Variants in ADIPOR2 observed in about 807,000 individuals in gnomAD.
ADIPOR2 encodes the protein adiponectin receptor 2.
A neutral mutation model predicts 40.9 loss-of-function variants in ADIPOR2; 18 were observed. The ratio of observed to expected loss-of-function variants is 0.44; its 90% CI spans 0.30 to 0.65. ADIPOR2 has a LOEUF of 0.65. Among genes scored for constraint, ADIPOR2 ranks in the 30% least tolerant of loss-of-function variants. The pLI is 0.09. For synonymous variants in ADIPOR2, 165 were observed against 166.4 expected, an observed-to-expected ratio of 0.99 and a Z score of 0.06; for missense variants, 283 against 479.2, an observed-to-expected ratio of 0.59 and a Z score of 3.82.
chr12:1,770,726 A>G (rs532741002), intron 2 of ADIPOR2, among the ~76,000 whole-genome samples: 1 of 152,358 alleles, frequency 6.6e-6, no homozygotes, highest in African/African-American at 2.4e-5. Flanking sequence ...GTAAAATTCT[A>G]TTAAACGTTA....
At chr12:1,695,170 T>C (rs1373817931) in intron 1 of ADIPOR2, among the ~76,000 whole-genome samples, 6 of 151,964 alleles carry the variant, frequency 3.9e-5, no homozygotes, top group Non-Finnish European at 8.8e-5. Flanking sequence ...CATGAGCCAC[T>C]GCACTTGGCC....
chr12:1,748,546 C>A (rs1457357182), intron 1 of ADIPOR2, among the ~76,000 whole-genome samples: 1 of 152,046 alleles, frequency 6.6e-6, no homozygotes, highest in Non-Finnish European at 1.5e-5. Context: ...CCGTGCCTGG[C>A]CTGCGTTTTA....
chr12:1,735,740 A>G (rs563852444), intron 1 of ADIPOR2, among the ~76,000 whole-genome samples: 5 of 152,272 alleles, frequency 3.3e-5, no homozygotes, highest in Middle Eastern at 3.4e-3. Context: ...GTTTGTCATA[A>G]ATAGCTCTTA....
intron 1 of ADIPOR2, among the ~76,000 whole-genome samples, chr12:1,692,104 C>T (rs1331520261): frequency 4.4e-5 from 6 of 136,310 alleles, no homozygotes; most frequent in Non-Finnish European, 8.0e-5. Context: ...TTTTTTATCA[C>T]CCCTTCCCCT....
intron 1 of ADIPOR2, among the ~76,000 whole-genome samples, chr12:1,693,715 T>G (rs2094632253): frequency 6.6e-6 from 1 of 152,022 alleles, no homozygotes; most frequent in South Asian, 2.1e-4. Context: ...TTTTTTGTAT[T>G]TTTAGTAGAG....
chr12:1,732,622 TGTATGCA>T (rs1373529680), intron 1 of ADIPOR2, among the ~76,000 whole-genome samples: 1 of 152,252 alleles, frequency 6.6e-6, no homozygotes, highest in Non-Finnish European at 1.5e-5. Context: ...TATAAACACT[TGTATGCA>T]AGTTTTTGTG....
intron 1 of ADIPOR2, among the ~76,000 whole-genome samples, chr12:1,693,455 GA>G (rs1441430735): frequency 4.9e-4 from 74 of 151,682 alleles, no homozygotes; most frequent in African/African-American, 1.7e-3. Context: ...TGTGATTATA[GA>G]ATTTGTTGGT....
At chr12:1,694,812 C>G (rs1000760232) in intron 1 of ADIPOR2, among the ~76,000 whole-genome samples, 1 of 151,906 alleles carries the variant, frequency 6.6e-6, no homozygotes, top group Non-Finnish European at 1.5e-5. Flanking sequence ...AAAAATTACA[C>G]TTTTTTTTAG....
At chr12:1,744,638 A>G (rs1183741786) in intron 1 of ADIPOR2, among the ~76,000 whole-genome samples, 4 of 152,156 alleles carry the variant, frequency 2.6e-5, no homozygotes, top group Non-Finnish European at 5.9e-5. Flanking sequence ...CATCTGACCT[A>G]CTTGAAAATT....
intron 1 of ADIPOR2, among the ~76,000 whole-genome samples, chr12:1,736,223 C>G (rs2094730290): frequency 6.6e-6 from 1 of 152,108 alleles, no homozygotes; most frequent in African/African-American, 2.4e-5. Context: ...CCATCTGGTC[C>G]TGGACTTTTT....
At chr12:1,771,804 T>C (rs1189016790) in intron 2 of ADIPOR2, among the ~76,000 whole-genome samples, 1 of 152,254 alleles carries the variant, frequency 6.6e-6, no homozygotes, top group Non-Finnish European at 1.5e-5. Flanking sequence ...CATTTCTTTG[T>C]GCAGTCATGT....
chr12:1,763,054 T>G (rs1862303516), intron 2 of ADIPOR2, among the ~76,000 whole-genome samples: 2 of 152,226 alleles, frequency 1.3e-5, no homozygotes, highest in Non-Finnish European at 2.9e-5. Flanking sequence ...AAAATACCTG[T>G]GTGTACAGTT....
chr12:1,693,356 TAGTC>T (rs1052080385), intron 1 of ADIPOR2, among the ~76,000 whole-genome samples: 1 of 152,048 alleles, frequency 6.6e-6, no homozygotes, highest in African/African-American at 2.4e-5. Flanking sequence ...AAATGATACA[TAGTC>T]AATGTTGAAA....
intron 1 of ADIPOR2, among the ~76,000 whole-genome samples, chr12:1,726,316 C>A (rs2094707891): frequency 6.6e-6 from 1 of 152,012 alleles, no homozygotes; most frequent in South Asian, 2.1e-4. Flanking sequence ...TCCTGCCTCA[C>A]CCTCCTGAGT....
At chr12:1,725,907 CAAG>C (rs2094707057) in intron 1 of ADIPOR2, among the ~76,000 whole-genome samples, 1 of 152,118 alleles carries the variant, frequency 6.6e-6, no homozygotes, top group African/African-American at 2.4e-5. Context: ...TTCATTCACT[CAAG>C]AAATCTTCAT....
chr12:1,737,843 G>A (rs935545732), intron 1 of ADIPOR2, among the ~76,000 whole-genome samples: 5 of 152,134 alleles, frequency 3.3e-5, no homozygotes, highest in African/African-American at 7.2e-5. Context: ...GAGCCACTGC[G>A]CCTGGCCCAG....
At chr12:1,732,958 T>C (rs1266840204) in intron 1 of ADIPOR2, among the ~76,000 whole-genome samples, 2 of 152,214 alleles carry the variant, frequency 1.3e-5, no homozygotes, top group East Asian at 3.8e-4. Context: ...GGAGAAACAG[T>C]AAAGAGTACA....
chr12:1,692,357 A>C (rs1345120393), intron 1 of ADIPOR2, among the ~76,000 whole-genome samples: 1 of 152,190 alleles, frequency 6.6e-6, no homozygotes, highest in Admixed American at 6.6e-5. Context: ...AGATGTTTTC[A>C]TCCGTTCTGA....
At chr12:1,708,268 G>T (rs990284174) in intron 1 of ADIPOR2, among the ~76,000 whole-genome samples, 4 of 151,566 alleles carry the variant, frequency 2.6e-5, no homozygotes, top group African/African-American at 7.3e-5. Flanking sequence ...GGTAGAGAGG[G>T]GTTCTTGAAA....
Sources: gnomAD v4.1 joint callset for allele counts (sites outside exome capture counted in the v4.1 genomes callset) on GRCh38, gnomAD v4.1.1 for gene constraint, MANE v1.5 for transcripts, NCBI Gene and HGNC (gene_info 2026-07-23, HGNC 2026-07-21) for gene names.